STON1: variants seen among roughly 807,000 people sequenced by gnomAD.
The protein encoded by STON1 is stonin-1.
In STON1, 79 loss-of-function variants were observed where a neutral mutation model predicts 60.9. The ratio of observed to expected loss-of-function variants is 1.30; its 90% CI spans 1.08 to 1.56. STON1 has a LOEUF of 1.56. STON1 is among the 40% of genes most tolerant of loss of function. STON1 has a pLI of 0.00. For synonymous variants in STON1, 363 were observed against 306.9 expected, an observed-to-expected ratio of 1.18 and a Z score of -1.91; for missense variants, 1,166 against 858.9, an observed-to-expected ratio of 1.36 and a Z score of -4.47.
At chr2:48,535,932 A>G (rs1671408453) in intron 1 of STON1, among the ~76,000 whole-genome samples, 1 of 151,970 alleles carries the variant, frequency 6.6e-6, no homozygotes, top group South Asian at 2.1e-4. Context: ...TACAAAAAAT[A>G]TAAAAATTAG....
chr2:48,530,301 G>A, intron 1 of STON1, 85 bp downstream of exon 1: 1 of 326,418 alleles, frequency 3.1e-6, no homozygotes, highest in South Asian at 2.2e-5. Context: ...GTCTGGGAAA[G>A]TTTGCGGGCG....
chr2:48,553,447 G>GTTTGT (rs369259341), intron 1 of STON1, among the ~76,000 whole-genome samples: 2 of 145,642 alleles, frequency 1.4e-5, no homozygotes, highest in Admixed American at 1.4e-4. Flanking sequence ...TCTCTCTCTC[G>GTTTGT]TTTGTTTTGT....
intron 2 of STON1, among the ~76,000 whole-genome samples, chr2:48,584,010 T>C (rs6757847): frequency 6.6e-6 from 1 of 151,904 alleles, no homozygotes; most frequent in Admixed American, 6.6e-5. Context: ...CGGCCTCCCA[T>C]AGTGCTGGGA....
At chr2:48,564,141 C>T (rs1356675488) in intron 1 of STON1, among the ~76,000 whole-genome samples, 2 of 152,212 alleles carry the variant, frequency 1.3e-5, no homozygotes, top group Non-Finnish European at 2.9e-5. Context: ...TGGGTATTTT[C>T]TCCACAAACC....
chr2:48,541,949 G>C (rs1003742040), intron 1 of STON1, among the ~76,000 whole-genome samples: 2 of 152,202 alleles, frequency 1.3e-5, no homozygotes, highest in Non-Finnish European at 2.9e-5. Flanking sequence ...TGCTGCTCCA[G>C]TCCCTAAATG....
chr2:48,575,064 G>T (rs1486251221), intron 1 of STON1, among the ~76,000 whole-genome samples: 2 of 152,276 alleles, frequency 1.3e-5, no homozygotes, highest in Middle Eastern at 6.8e-3. Flanking sequence ...TACTTTCTGC[G>T]GTATGAGTTA....
intron 1 of STON1, among the ~76,000 whole-genome samples, chr2:48,576,532 C>T (rs1673510998): frequency 6.7e-6 from 1 of 148,778 alleles, no homozygotes; most frequent in Admixed American, 6.7e-5. Context: ...AAATAATGGC[C>T]ATTCTAAAAG....
Position 48,582,435 on chromosome 2 carries a change from C to T in STON1, c.1802C>T (p.Ala601Val). The change falls in exon 2 of 4, where the codon GCA becomes GTA. Residue 601 changes from alanine (A) to valine (V), a missense_variant. Coordinates refer to ENST00000404752, the MANE Select transcript of STON1 (RefSeq NM_006873.4). Reference protein sequence around the residue: ...KSLKAKMNRRACLGSLQELES... With the variant: ...KSLKAKMNRRVCLGSLQELES... Reference sequence around the variant, plus strand: ...CTGAAAGCTAAAATGAACCGCCGAGCATGTCTGGGGAGTTTACAGGAACTT... The same window carrying T: ...CTGAAAGCTAAAATGAACCGCCGAGTATGTCTGGGGAGTTTACAGGAACTT... The T allele has an allele frequency of 6.2e-7, 1 of 1,614,194 alleles. No homozygotes were observed. The highest frequency in any genetic ancestry group is 8.5e-7 in the Non-Finnish European group (1 of 1,180,044).
At chr2:48,536,600 G>T (rs1204958379) in intron 1 of STON1, among the ~76,000 whole-genome samples, 1 of 143,798 alleles carries the variant, frequency 7.0e-6, no homozygotes, top group Non-Finnish European at 1.5e-5. Context: ...ATATAAGGAA[G>T]AACGCAAAAA....
intron 1 of STON1, among the ~76,000 whole-genome samples, chr2:48,567,693 G>A (rs1444813288): frequency 6.6e-6 from 1 of 152,216 alleles, no homozygotes; most frequent in African/African-American, 2.4e-5. Context: ...GTGAGCCACT[G>A]CACCTGGCCA....
chr2:48,562,592 G>C (rs1672657915), intron 1 of STON1, among the ~76,000 whole-genome samples: 1 of 152,236 alleles, frequency 6.6e-6, no homozygotes, highest in South Asian at 2.1e-4. Flanking sequence ...CACTGCCTCA[G>C]AGATGCTAAG....
At chr2:48,559,044 G>GT (rs138564679) in intron 1 of STON1, among the ~76,000 whole-genome samples, 49,510 of 151,554 alleles carry the variant, frequency 0.33, 8,126 homozygotes, top group East Asian at 0.39. Context: ...ATGCTGAGCT[G>GT]GTAAGTATAA....
At chr2:48,589,594 A>G (rs1054302031) in intron 2 of STON1, among the ~76,000 whole-genome samples, 13 of 152,236 alleles carry the variant, frequency 8.5e-5, no homozygotes, top group African/African-American at 3.1e-4. Context: ...ACTTGAAAGG[A>G]AAAAGGCTTT....
chr2:48,578,956 G>C (rs1441262021), intron 1 of STON1, among the ~76,000 whole-genome samples: 1 of 151,560 alleles, frequency 6.6e-6, no homozygotes, highest in East Asian at 1.9e-4. Flanking sequence ...TAAGATTACA[G>C]TTTAGTTTCA....
At chr2:48,549,285 G>T (rs1356760726) in intron 1 of STON1, among the ~76,000 whole-genome samples, 1 of 152,162 alleles carries the variant, frequency 6.6e-6, no homozygotes, top group Admixed American at 6.5e-5. Context: ...CTTATATGAT[G>T]CTCCCTGAAG....
chr2:48,587,517 T>C (rs1340365739), intron 2 of STON1, among the ~76,000 whole-genome samples: 1 of 152,062 alleles, frequency 6.6e-6, no homozygotes, highest in Non-Finnish European at 1.5e-5. Flanking sequence ...GGTCTCAAAC[T>C]CCTGACCTCG....
At chr2:48,533,965 C>G (rs930755707) in intron 1 of STON1, among the ~76,000 whole-genome samples, 1 of 151,912 alleles carries the variant, frequency 6.6e-6, no homozygotes, top group Non-Finnish European at 1.5e-5. Flanking sequence ...GATGGGGTTT[C>G]TCCATGTTGG....
chr2:48,530,469 G>T, intron 1 of STON1: 1 of 164,716 alleles, frequency 6.1e-6, no homozygotes, highest in Admixed American at 6.2e-5. Flanking sequence ...CTGGGACCGG[G>T]GTCCGACTCT....
chr2:48,575,412 G>C (rs1673425141), intron 1 of STON1, among the ~76,000 whole-genome samples: 1 of 152,048 alleles, frequency 6.6e-6, no homozygotes, highest in Non-Finnish European at 1.5e-5. Context: ...CCAGCACTTT[G>C]GGAGGCCGAG....
Sources: allele counts gnomAD v4.1 joint callset (sites outside exome capture counted in the v4.1 genomes callset), GRCh38; gene constraint gnomAD v4.1.1; transcripts MANE v1.5; gene names NCBI Gene and HGNC (gene_info 2026-07-23, HGNC 2026-07-21).